KIF5C: variants seen among roughly 807,000 people sequenced by gnomAD.
KIF5C encodes kinesin heavy chain isoform 5C.
In KIF5C, 18 loss-of-function variants were observed where a neutral mutation model predicts 125.2. The ratio of observed to expected loss-of-function variants is 0.14; its 90% CI spans 0.10 to 0.21. KIF5C has a LOEUF of 0.21. Among genes scored for constraint, KIF5C ranks in the 10% least tolerant of loss-of-function variants. The pLI, the probability that KIF5C is intolerant of heterozygous loss-of-function variation, is 1.00. For missense variants in KIF5C, 780 were observed against 1,183.8 expected (o/e 0.66, Z 5.01); for synonymous variants, 405 against 434.0 (o/e 0.93, Z 0.83).
chr2:148,986,929 G>A (rs376559080), intron 15 of KIF5C, among the ~76,000 whole-genome samples: 16 of 152,176 alleles, frequency 1.1e-4, no homozygotes, highest in African/African-American at 3.6e-4. Context: ...TAACTTTATC[G>A]AAGTTTATGA....
At chr2:148,982,947 T>C (rs1681277448) in intron 14 of KIF5C, among the ~76,000 whole-genome samples, 1 of 152,192 alleles carries the variant, frequency 6.6e-6, no homozygotes, top group South Asian at 2.1e-4. Flanking sequence ...ATACATACCT[T>C]TTGGCAAGAT....
At chr2:148,884,971 GT>G (rs11319928) in intron 1 of KIF5C, among the ~76,000 whole-genome samples, 91,754 of 104,272 alleles carry the variant, frequency 0.88, 40,235 homozygotes, top group South Asian at 0.95. Flanking sequence ...TGTCCTAATT[GT>G]TTTTTTTTTT....
intron 7 of KIF5C, among the ~76,000 whole-genome samples, chr2:148,945,987 T>C (rs1433341502): frequency 6.6e-6 from 1 of 152,218 alleles, no homozygotes; most frequent in Non-Finnish European, 1.5e-5. Flanking sequence ...CTTTCAGTCA[T>C]GTTTTGTAGT....
intron 21 of KIF5C, among the ~76,000 whole-genome samples, chr2:149,004,917 G>T (rs376925037): frequency 1.1e-4 from 16 of 152,236 alleles, no homozygotes; most frequent in African/African-American, 3.6e-4. Flanking sequence ...AAGCAAGTGT[G>T]TGGACTTGCG....
intron 1 of KIF5C, among the ~76,000 whole-genome samples, chr2:148,921,041 A>G (rs1364954406): frequency 6.6e-6 from 1 of 152,086 alleles, no homozygotes; most frequent in Non-Finnish European, 1.5e-5. Context: ...GGTAGAGAAG[A>G]GGTGCCCTCA....
chr2:148,884,232 A>G (rs1272774054), intron 1 of KIF5C: 1 of 152,186 alleles, frequency 6.6e-6, no homozygotes, highest in East Asian at 1.9e-4. Context: ...GGTGATCAAA[A>G]GCTAAATCTC....
At position 148,981,397 on chromosome 2, in the gene KIF5C, G is replaced by T; in HGVS notation, c.1405G>T (p.Glu469Ter). The change falls in exon 14 of 26, where the codon GAG becomes TAG. Residue 469 changes from glutamate to a stop codon, truncating the protein, a stop_gained. Coordinates refer to ENST00000435030, the MANE Select transcript of KIF5C (RefSeq NM_004522.3). LOFTEE classifies it high-confidence loss of function. ...TRRDYEKIQE[E>*]LTRLQIENEA... ...AAGAGACTATGAGAAGATACAGGAGGAGCTGACACGTCTCCAGATTGAAAA... is the reference window on the plus strand; with the variant it reads ...AAGAGACTATGAGAAGATACAGGAGTAGCTGACACGTCTCCAGATTGAAAA... The T allele has an allele frequency of 1.2e-6, 2 of 1,611,496 alleles. No homozygotes were observed. Among genetic ancestry groups the T allele is most frequent in the Non-Finnish European group, 1.7e-6 (2 of 1,178,902 alleles).
chr2:148,881,388 G>A (rs187033784), intron 1 of KIF5C, among the ~76,000 whole-genome samples: 55 of 152,096 alleles, frequency 3.6e-4, no homozygotes, highest in Admixed American at 1.9e-3. Flanking sequence ...TTGTGTGTGC[G>A]TGTGCGTGTG....
At chr2:148,927,235 G>C (rs1419933106) in intron 2 of KIF5C, among the ~76,000 whole-genome samples, 1 of 152,132 alleles carries the variant, frequency 6.6e-6, no homozygotes, top group African/African-American at 2.4e-5. Flanking sequence ...ATGAGACCCG[G>C]GAGGCCTCGG....
intron 1 of KIF5C, chr2:148,884,129 A>G (rs1681448479): frequency 6.6e-6 from 1 of 152,214 alleles, no homozygotes; most frequent in South Asian, 2.1e-4. Flanking sequence ...GATCCGGAAC[A>G]TGGCAATGCC....
intron 13 of KIF5C, among the ~76,000 whole-genome samples, chr2:148,980,480 T>C (rs148673399): frequency 2.6e-4 from 39 of 152,240 alleles, no homozygotes; most frequent in African/African-American, 7.9e-4. Context: ...CGCTTTTAAC[T>C]AAAGATACTG....
intron 15 of KIF5C, among the ~76,000 whole-genome samples, chr2:148,984,867 T>A (rs1307061620): frequency 6.6e-6 from 1 of 152,196 alleles, no homozygotes; most frequent in African/African-American, 2.4e-5. Flanking sequence ...CTCAGCTCAC[T>A]GCAACCTCTG....
chr2:148,998,536 G>GT (rs1681745234), intron 19 of KIF5C, 27 bp downstream of exon 19: 1 of 1,551,204 alleles, frequency 6.4e-7, no homozygotes, highest in Non-Finnish European at 8.7e-7. Flanking sequence ...CACCAGGGGT[G>GT]TGGGGGTGGT....
chr2:148,989,653 T>A (rs972233886), intron 15 of KIF5C, among the ~76,000 whole-genome samples: 2 of 152,230 alleles, frequency 1.3e-5, no homozygotes, highest in African/African-American at 2.4e-5. Context: ...CATCTATTTT[T>A]TTTTATTTTT....
At chr2:148,960,218 C>T (rs535307395) in intron 10 of KIF5C, among the ~76,000 whole-genome samples, 2 of 152,236 alleles carry the variant, frequency 1.3e-5, no homozygotes, top group Non-Finnish European at 2.9e-5. Context: ...CTGGCTAAAC[C>T]TGCCTGAGTA....
intron 11 of KIF5C, among the ~76,000 whole-genome samples, chr2:148,971,286 G>A (rs59975995): frequency 0.011 from 1,462 of 134,506 alleles, 21 homozygotes; most frequent in African/African-American, 0.037. Flanking sequence ...CTGTCTGTCT[G>A]TCTGTCTATC....
intron 16 of KIF5C, among the ~76,000 whole-genome samples, chr2:148,991,788 T>G (rs1201396683): frequency 6.6e-6 from 1 of 152,184 alleles, no homozygotes; most frequent in Non-Finnish European, 1.5e-5. Context: ...CAAAAAAATG[T>G]GTGTGAACCC....
At chr2:148,901,561 A>C (rs948693391) in intron 1 of KIF5C, among the ~76,000 whole-genome samples, 1 of 152,260 alleles carries the variant, frequency 6.6e-6, no homozygotes, top group African/African-American at 2.4e-5. Flanking sequence ...AGAAAGCAAT[A>C]TGGAAACCGA....
At chr2:148,896,634 G>T (rs930806234) in intron 1 of KIF5C, among the ~76,000 whole-genome samples, 2 of 152,196 alleles carry the variant, frequency 1.3e-5, no homozygotes, top group Non-Finnish European at 2.9e-5. Context: ...GCATCATTAT[G>T]CCTTGCTGGA....
Sources: allele counts gnomAD v4.1 joint callset (sites outside exome capture counted in the v4.1 genomes callset), GRCh38; gene constraint gnomAD v4.1.1; transcripts MANE v1.5; gene names NCBI Gene and HGNC (gene_info 2026-07-23, HGNC 2026-07-21).